Variants in CHN2 observed in about 807,000 individuals in gnomAD.
CHN2 encodes beta-chimaerin.
A neutral mutation model predicts 56.3 loss-of-function variants in CHN2; 35 were observed. The ratio of observed to expected loss-of-function variants is 0.62; its 90% CI spans 0.47 to 0.82. CHN2 has a LOEUF of 0.82. CHN2 is among the 40% of genes least tolerant of loss of function. The pLI, the probability that CHN2 is intolerant of heterozygous loss-of-function variation, is 0.00. For synonymous variants in CHN2, 210 were observed against 212.8 expected (o/e 0.99, Z 0.12); for missense variants, 491 against 580.5 (o/e 0.85, Z 1.58).
intron 11 of CHN2, among the ~76,000 whole-genome samples, chr7:29,509,034 G>A (rs943038317): frequency 1.3e-5 from 2 of 152,214 alleles, no homozygotes; most frequent in Middle Eastern, 3.2e-3. Context: ...TAAGCATTCT[G>A]CTGGTTTACA....
intron 3 of CHN2, among the ~76,000 whole-genome samples, chr7:29,374,182 A>T (rs1420858187): frequency 6.6e-6 from 1 of 152,076 alleles, no homozygotes; most frequent in Non-Finnish European, 1.5e-5. Flanking sequence ...ATCAAGAATG[A>T]AGGACTTTCC....
At chr7:29,261,780 T>C (rs571571835) in intron 1 of CHN2, among the ~76,000 whole-genome samples, 1 of 152,352 alleles carries the variant, frequency 6.6e-6, no homozygotes, top group African/African-American at 2.4e-5. Context: ...CTGCACAGTT[T>C]AGTGGTTATA....
intron 2 of CHN2, among the ~76,000 whole-genome samples, chr7:29,157,215 A>G (rs560939300): frequency 6.6e-6 from 1 of 151,764 alleles, no homozygotes; most frequent in Non-Finnish European, 1.5e-5. Context: ...AGCTACCCAC[A>G]CCTCTGAGTG....
At chr7:29,330,170 C>T (rs897513889) in intron 1 of CHN2, among the ~76,000 whole-genome samples, 3 of 152,136 alleles carry the variant, frequency 2.0e-5, no homozygotes, top group African/African-American at 7.2e-5. Context: ...TGTGTTCCAC[C>T]TCAGTGTATG....
intron 2 of CHN2, among the ~76,000 whole-genome samples, chr7:29,187,230 A>G (rs978898366): frequency 1.3e-5 from 2 of 152,164 alleles, no homozygotes; most frequent in African/African-American, 2.4e-5. Flanking sequence ...TAATCTGTCT[A>G]TACTTTTATT....
chr7:29,463,485 A>G (rs1785325308), intron 6 of CHN2, among the ~76,000 whole-genome samples: 1 of 152,162 alleles, frequency 6.6e-6, no homozygotes, highest in Non-Finnish European at 1.5e-5. Flanking sequence ...TGCTTTTACC[A>G]GAGCGCAACA....
chr7:29,182,810 G>T (rs1000453467), intron 2 of CHN2, among the ~76,000 whole-genome samples: 1 of 152,116 alleles, frequency 6.6e-6, no homozygotes, highest in African/African-American at 2.4e-5. Context: ...CCTTGGACAG[G>T]GTAGATGAGA....
At chr7:29,146,623 C>T in exon 1 of CHN2, 1 of 1,550,526 alleles carries the variant, frequency 6.4e-7, no homozygotes, top group Non-Finnish European at 8.7e-7. Flanking sequence ...GTCGTCGTGT[C>T]CCAACCTCCT....
chr7:29,270,316 T>G (rs931547533), intron 1 of CHN2, among the ~76,000 whole-genome samples: 2 of 152,074 alleles, frequency 1.3e-5, no homozygotes, highest in African/African-American at 4.8e-5. Flanking sequence ...AGGCTGCATT[T>G]TAAATGAAGG....
intron 1 of CHN2, among the ~76,000 whole-genome samples, chr7:29,352,954 G>A (rs1465267552): frequency 3.3e-5 from 5 of 152,166 alleles, no homozygotes; most frequent in Non-Finnish European, 7.3e-5. Context: ...TTAAAGCCTT[G>A]CTATTATAAG....
At chr7:29,309,987 C>T (rs897361743) in intron 1 of CHN2, among the ~76,000 whole-genome samples, 2 of 152,226 alleles carry the variant, frequency 1.3e-5, no homozygotes, top group African/African-American at 4.8e-5. Flanking sequence ...GGGCCTCTCC[C>T]ACCTTGTTCT....
intron 6 of CHN2, among the ~76,000 whole-genome samples, chr7:29,415,761 T>C (rs1402965442): frequency 2.0e-5 from 3 of 152,134 alleles, no homozygotes; most frequent in African/African-American, 7.2e-5. Flanking sequence ...GGTGGCAGGG[T>C]AGAGGATGGG....
intron 6 of CHN2, among the ~76,000 whole-genome samples, chr7:29,425,556 A>G (rs937487214): frequency 2.0e-5 from 3 of 152,202 alleles, no homozygotes; most frequent in Non-Finnish European, 4.4e-5. Context: ...GTTTCCACTT[A>G]TCTTATGGAT....
chr7:29,502,724 T>C (rs933144248), intron 9 of CHN2, among the ~76,000 whole-genome samples: 1 of 151,430 alleles, frequency 6.6e-6, no homozygotes, highest in Non-Finnish European at 1.5e-5. Context: ...CAACTTGGCA[T>C]ATTATATAAG....
intron 1 of CHN2, chr7:29,200,607 G>C (rs1053457173): frequency 6.6e-6 from 1 of 151,544 alleles, no homozygotes; most frequent in Non-Finnish European, 1.5e-5. Flanking sequence ...GCACCTTCCT[G>C]CTTTTCCTTC....
At chr7:29,395,142 G>A (rs999785732) in intron 4 of CHN2, among the ~76,000 whole-genome samples, 2 of 152,210 alleles carry the variant, frequency 1.3e-5, no homozygotes, top group African/African-American at 4.8e-5. Flanking sequence ...TTTAGGGAGA[G>A]AGGAATTTTG....
At position 29,283,922 on chromosome 7, in the gene CHN2, C is replaced by CT. The variant is rs70980520; in HGVS notation, c.50-70673dup. ...AGGAGCCACCGTTCCCAGCCAAGCT[C>CT]TTTTTTTTTTTTTTTTTTTTTTTTT... is the stretch of plus-strand genomic sequence containing the variant. On this transcript the variant is annotated intron_variant, in intron 1 of 12. Transcript: ENST00000222792. Among the ~76,000 whole-genome samples the CT allele has an allele frequency of 6.3e-3, 439 of 69,986 alleles. 52 individuals carry two copies. The highest frequency in any genetic ancestry group is 0.017 in the African/African-American group (272 of 15,702). The allele number at this position is 69,986 out of a possible 152,430, so 45.9% of individuals were successfully genotyped here. A position where few individuals can be genotyped will look rare whatever the true frequency, so the allele number is the denominator to read the frequency against.
chr7:29,372,974 A>T (rs575567090), intron 3 of CHN2, among the ~76,000 whole-genome samples: 2 of 152,356 alleles, frequency 1.3e-5, no homozygotes, highest in South Asian at 4.1e-4. Context: ...GCAATTTCAA[A>T]AAAGGGAAAT....
intron 6 of CHN2, among the ~76,000 whole-genome samples, chr7:29,450,863 C>T (rs1371881035): frequency 6.6e-6 from 1 of 151,994 alleles, no homozygotes; most frequent in Non-Finnish European, 1.5e-5. Context: ...CCTCCGCCTC[C>T]CAGGTTCAAG....
Sources: gnomAD v4.1 joint callset for allele counts (sites outside exome capture counted in the v4.1 genomes callset) on GRCh38, gnomAD v4.1.1 for gene constraint, MANE v1.5 for transcripts, NCBI Gene and HGNC (gene_info 2026-07-23, HGNC 2026-07-21) for gene names.